SLC39A12: variants seen among roughly 807,000 people sequenced by gnomAD.
The protein encoded by SLC39A12 is solute carrier family 39 member 12, also known as zinc transporter ZIP12.
SLC39A12 carries 63 observed loss-of-function variants against 71.1 expected under a neutral mutation model. The observed-to-expected ratio is 0.89, with a 90% CI of 0.72 to 1.09. The LOEUF (loss-of-function observed/expected upper bound fraction) is 1.09, where lower values mean the gene tolerates loss of function less well. Ranked by LOEUF, SLC39A12 falls within the 50% of genes least tolerant of loss-of-function variation. The pLI, the probability that SLC39A12 is intolerant of heterozygous loss-of-function variation, is 0.00. For missense variants in SLC39A12, 892 were observed against 812.6 expected (o/e 1.10, Z -1.19); for synonymous variants, 351 against 301.3 (o/e 1.16, Z -1.71).
chr10:17,995,771 G>A (rs1229378965), intron 10 of SLC39A12, 49 bp downstream of exon 10: 2 of 1,487,398 alleles, frequency 1.3e-6, no homozygotes, highest in Middle Eastern at 3.5e-4. Flanking sequence ...TAGAAAAACA[G>A]TTATGTCTGT....
chr10:18,000,968 A>C (rs1184856027), intron 11 of SLC39A12, 143 bp downstream of exon 11: 1 of 847,954 alleles, frequency 1.2e-6, no homozygotes, highest in Non-Finnish European at 1.8e-6. Flanking sequence ...AACCATAAGA[A>C]GAGGAGGACT....
intron 6 of SLC39A12, among the ~76,000 whole-genome samples, chr10:17,984,551 T>C (rs904519873): frequency 6.6e-6 from 1 of 152,204 alleles, no homozygotes; most frequent in African/African-American, 2.4e-5. Flanking sequence ...ATGTAATAAA[T>C]GAAAAGAATG....
At chr10:17,964,379 A>G (rs1379173294) in intron 3 of SLC39A12, among the ~76,000 whole-genome samples, 2 of 152,242 alleles carry the variant, frequency 1.3e-5, no homozygotes, top group Non-Finnish European at 2.9e-5. Context: ...CTTTAAAAAA[A>G]TAAGTTCAAT....
intron 4 of SLC39A12, among the ~76,000 whole-genome samples, chr10:17,976,599 T>A (rs1366257820): frequency 6.6e-6 from 1 of 151,790 alleles, no homozygotes; most frequent in Non-Finnish European, 1.5e-5. Context: ...TATATATATA[T>A]TTTTTTGTAG....
Position 17,991,246 on chromosome 10 carries a change from C to G in SLC39A12, c.1365C>G (p.Ile455Met). The G allele has an allele frequency of 6.3e-7, 1 of 1,596,924 alleles. No individual in the cohort carries two copies. The highest frequency in any genetic ancestry group is 8.5e-7 in the Non-Finnish European group (1 of 1,173,894). Reference sequence around the variant, plus strand: ...AACTGATGGGATTAATTGGAGGCATCCATGGATTTTTCTTGATAGAAAAAT... The same window carrying G: ...AACTGATGGGATTAATTGGAGGCATGCATGGATTTTTCTTGATAGAAAAAT... ...IWKLMGLIGG[I>M]HGFFLIEKCF... Residue 455 changes from isoleucine to methionine, a missense_variant, in exon 8 of 13, where the codon ATC becomes ATG. Physicochemically the swap from Ile to Met is conservative, Grantham distance 10 (BLOSUM62 1). Coordinates refer to ENST00000377369, the MANE Select transcript of SLC39A12 (RefSeq NM_001145195.2).
At chr10:17,962,529 T>C (rs1834717568) in intron 3 of SLC39A12, among the ~76,000 whole-genome samples, 1 of 151,674 alleles carries the variant, frequency 6.6e-6, no homozygotes, top group Non-Finnish European at 1.5e-5. Flanking sequence ...TCTCTGAACA[T>C]AAGGTTTCTT....
At chr10:17,992,088 CAAAAAAAAAAA>C (rs59014549) in intron 8 of SLC39A12, among the ~76,000 whole-genome samples, 3 of 87,226 alleles carry the variant, frequency 3.4e-5, no homozygotes, top group East Asian at 6.5e-4. Context: ...GACTCCATCT[CAAAAAAAAAAA>C]AAAAAAAAAA....
At chr10:17,997,366 A>T (rs181725360) in intron 10 of SLC39A12, among the ~76,000 whole-genome samples, 1 of 152,344 alleles carries the variant, frequency 6.6e-6, no homozygotes, top group African/African-American at 2.4e-5. Context: ...TATTCGATTC[A>T]AAATATGTAA....
intron 6 of SLC39A12, among the ~76,000 whole-genome samples, chr10:17,983,356 C>A (rs933097080): frequency 6.6e-6 from 1 of 151,986 alleles, no homozygotes; most frequent in South Asian, 2.1e-4. Flanking sequence ...GGCATGGTGG[C>A]ACGTACCTGT....
At position 18,042,891 on chromosome 10, in the gene SLC39A12, C is replaced by T; in HGVS notation, c.*58C>T. ...TTATATAGTCTTACTTTGTTTCTTT[C>T]ATTGCACTCTATAATGATTTTTAAA... On this transcript the variant is annotated 3_prime_UTR_variant, in exon 13 of 13. Coordinates refer to ENST00000377369, the MANE Select transcript of SLC39A12 (RefSeq NM_001145195.2). 1 of 1,445,864 alleles carries T rather than the reference C, an allele frequency of 6.9e-7. No homozygotes were observed. The highest frequency in any genetic ancestry group is 9.4e-7 in the Non-Finnish European group (1 of 1,068,170). 89.6% of individuals were successfully genotyped at this position (1,445,864 alleles called of 1,614,324 possible).
At chr10:17,965,443 A>G in intron 3 of SLC39A12, 40 bp from the exon 4 acceptor site, 1 of 1,571,706 alleles carries the variant, frequency 6.4e-7, no homozygotes, top group Non-Finnish European at 8.7e-7. Flanking sequence ...AAATAACTTC[A>G]GATGTTACAA....
chr10:17,999,603 A>T (rs1835777222), intron 10 of SLC39A12, among the ~76,000 whole-genome samples: 1 of 152,218 alleles, frequency 6.6e-6, no homozygotes, highest in African/African-American at 2.4e-5. Context: ...GAACCCAATT[A>T]TGATCAAAAT....
intron 2 of SLC39A12, among the ~76,000 whole-genome samples, chr10:17,954,550 G>A (rs544505406): frequency 6.6e-5 from 10 of 152,178 alleles, no homozygotes; most frequent in African/African-American, 2.2e-4. Flanking sequence ...CACGGCGCCC[G>A]GCCTCCAGGT....
intron 12 of SLC39A12, among the ~76,000 whole-genome samples, chr10:18,027,521 G>C (rs1187533003): frequency 2.0e-5 from 3 of 152,200 alleles, no homozygotes; most frequent in African/African-American, 7.2e-5. Flanking sequence ...ACAAAATCTG[G>C]GGGCCTTTTA....
rs544266772 is a variant in SLC39A12 at position 18,034,788 on chromosome 10, G to C, written c.1948-7917G>C. Among the ~76,000 whole-genome samples, 24 of 150,122 alleles carry C rather than the reference G, an allele frequency of 1.6e-4. No individual in the cohort carries two copies. The East Asian group carries it at 4.1e-3, about 26-fold the overall frequency. ...CATGATTTTGCAGCGGCTGGTACCG[G>C]TTGTTCCTTTCCATGTTTAGCGCTT... On this transcript the variant is annotated intron_variant, in intron 12 of 12. Transcript: ENST00000377369.
intron 12 of SLC39A12, among the ~76,000 whole-genome samples, chr10:18,028,897 T>C (rs755087364): frequency 4.6e-5 from 7 of 152,140 alleles, no homozygotes; most frequent in Non-Finnish European, 1.0e-4. Flanking sequence ...TTTTTGTGTT[T>C]TTAATAGAGA....
chr10:17,962,372 G>T (rs114973218), intron 3 of SLC39A12, among the ~76,000 whole-genome samples: 1,885 of 152,256 alleles, frequency 0.012, 27 homozygotes, highest in African/African-American at 0.039. Context: ...GAATTGTGCT[G>T]CCTGTGTAGA....
At chr10:17,999,541 C>A (rs1385329111) in intron 10 of SLC39A12, among the ~76,000 whole-genome samples, 1 of 151,982 alleles carries the variant, frequency 6.6e-6, no homozygotes, top group Non-Finnish European at 1.5e-5. Flanking sequence ...TTGAGTTATG[C>A]TAACATACAA....
At chr10:17,989,485 C>T (rs1835485524) in intron 7 of SLC39A12, among the ~76,000 whole-genome samples, 1 of 152,182 alleles carries the variant, frequency 6.6e-6, no homozygotes, top group Non-Finnish European at 1.5e-5. Flanking sequence ...AAAAGGCTCT[C>T]AGGTCAGCCT....
Sources: gnomAD v4.1 joint callset for allele counts (sites outside exome capture counted in the v4.1 genomes callset) on GRCh38, gnomAD v4.1.1 for gene constraint, MANE v1.5 for transcripts, NCBI Gene and HGNC (gene_info 2026-07-23, HGNC 2026-07-21) for gene names.